Variants in RNF180 observed in about 807,000 individuals in gnomAD.
RNF180 encodes ring finger protein 180, also known as E3 ubiquitin-protein ligase RNF180.
RNF180 carries 38 observed loss-of-function variants against 59.2 expected under a neutral mutation model. The ratio of observed to expected loss-of-function variants is 0.64; its 90% CI spans 0.50 to 0.84. The LOEUF is 0.84. RNF180 is among the 40% of genes least tolerant of loss of function. The probability of loss-of-function intolerance (pLI) is 0.00; values close to 1 mark genes in which losing one functional copy is unlikely to be tolerated. For missense variants in RNF180, 705 were observed against 700.9 expected (o/e 1.01, Z -0.07); for synonymous variants, 262 against 240.3 (o/e 1.09, Z -0.84).
In RNF180 at chr5:64,180,143, G is replaced by T. The variant is rs149120913; in HGVS notation, c.-1+14190G>T. On this transcript the variant is annotated intron_variant, in intron 1 of 7. Coordinates refer to ENST00000389100, the MANE Select transcript of RNF180 (RefSeq NM_001113561.2). The stretch of plus-strand genomic sequence containing the variant: ...AGCTATTAACCATTTGCTTATATTT[G>T]CAGATTTCTTCTTCCAGTCTGTGGG... Among the ~76,000 whole-genome samples the T allele has an allele frequency of 2.3e-3, 356 of 152,128 alleles. 1 individual carries two copies. The highest frequency in any genetic ancestry group is 8.4e-3 in the African/African-American group (349 of 41,524).
At chr5:64,303,964 G>T (rs1743300639) in intron 5 of RNF180, among the ~76,000 whole-genome samples, 1 of 151,656 alleles carries the variant, frequency 6.6e-6, no homozygotes, top group African/African-American at 2.4e-5. Context: ...TGACTAAGCA[G>T]AAGCCAGTGT....
chr5:64,295,312 C>T (rs1425311392), intron 5 of RNF180, among the ~76,000 whole-genome samples: 2 of 152,138 alleles, frequency 1.3e-5, no homozygotes, highest in Admixed American at 6.5e-5. Flanking sequence ...CCACCTGGGG[C>T]ATCTCTGTTG....
chr5:64,321,339 A>G lies in RNF180; in HGVS notation c.1228-3847A>G, dbSNP rs184261520. ...CTTCAGCAGACTCTCAGTATACAAA[A>G]TCAATGTGCAAAAATCACAAGCATT... is the stretch of plus-strand genomic sequence containing the variant. On this transcript the variant is annotated intron_variant, in intron 5 of 7. Transcript: ENST00000389100. 1.5e-3 allele frequency among the ~76,000 whole-genome samples: 226 copies of G among 152,296 alleles called. 1 individual carries two copies. The highest frequency in any genetic ancestry group is 5.2e-3 in the African/African-American group (217 of 41,566).
intron 7 of RNF180, among the ~76,000 whole-genome samples, chr5:64,358,713 C>A (rs1218979012): frequency 6.6e-6 from 1 of 151,562 alleles, no homozygotes; most frequent in African/African-American, 2.4e-5. Context: ...CATATGTATA[C>A]ATGTGCCATG....
chr5:64,343,704 T>G (rs1309329569), intron 7 of RNF180, among the ~76,000 whole-genome samples: 1 of 151,828 alleles, frequency 6.6e-6, no homozygotes, highest in Non-Finnish European at 1.5e-5. Context: ...ACATCTTTAA[T>G]GTGCTCATGG....
At chr5:64,242,855 G>A (rs746523686) in intron 5 of RNF180, among the ~76,000 whole-genome samples, 16 of 152,204 alleles carry the variant, frequency 1.1e-4, no homozygotes, top group Non-Finnish European at 1.8e-4. Context: ...GAACACAGAA[G>A]GTGGGTGATT....
In RNF180 at chr5:64,372,376, T is replaced by A. The variant is rs1746685781; in HGVS notation, c.*2562T>A. The A allele has an allele frequency of 6.6e-6, 1 of 151,878 alleles. No homozygotes were observed. Among genetic ancestry groups the A allele is most frequent in the South Asian group, 2.1e-4 (1 of 4,824 alleles). 9.4% of individuals were successfully genotyped at this position (151,878 alleles called of 1,614,324 possible). On this transcript the variant is annotated 3_prime_UTR_variant, in exon 8 of 8. Coordinates refer to ENST00000389100, the MANE Select transcript of RNF180 (RefSeq NM_001113561.2). Reference sequence around the variant, plus strand: ...TTTACAAAGCTTCTACCACTCTGAATCAACAAAATCAGGAATGGAAAAAAA... The same window carrying A: ...TTTACAAAGCTTCTACCACTCTGAAACAACAAAATCAGGAATGGAAAAAAA...
intron 7 of RNF180, among the ~76,000 whole-genome samples, chr5:64,357,956 G>A (rs1052627206): frequency 1.3e-5 from 2 of 151,718 alleles, no homozygotes; most frequent in Non-Finnish European, 2.9e-5. Flanking sequence ...TTTTCTTCAC[G>A]GGTCCTTCTT....
intron 5 of RNF180, among the ~76,000 whole-genome samples, chr5:64,318,720 A>G (rs1339788552): frequency 2.0e-5 from 3 of 152,232 alleles, no homozygotes; most frequent in African/African-American, 7.2e-5. Flanking sequence ...TAATAAATGT[A>G]TCATACTGCT....
chr5:64,229,031 C>T (rs1309953169), intron 5 of RNF180, among the ~76,000 whole-genome samples: 1 of 149,780 alleles, frequency 6.7e-6, no homozygotes, highest in Non-Finnish European at 1.5e-5. Flanking sequence ...AAGTGATCCT[C>T]TCACCTCAGC....
Position 64,236,639 on chromosome 5 carries a change from G to A in RNF180, c.1227+19243G>A, listed in dbSNP as rs989079677. On this transcript the variant is annotated intron_variant, in intron 5 of 7. Coordinates refer to ENST00000389100, the MANE Select transcript of RNF180 (RefSeq NM_001113561.2). ...AATGAGGAAAATATCTCCACGGCAC[G>A]TCAGAGATCTTTGTGGCAGCCCCTC... 3.3e-5 allele frequency among the ~76,000 whole-genome samples: 5 copies of A among 152,168 alleles called. No homozygotes were observed. In the South Asian group the frequency reaches 6.2e-4, roughly 19 times the overall value.
At chr5:64,344,091 A>G (rs1293039060) in intron 7 of RNF180, among the ~76,000 whole-genome samples, 1 of 151,978 alleles carries the variant, frequency 6.6e-6, no homozygotes, top group East Asian at 1.9e-4. Context: ...ATATAAAGAA[A>G]AAAATCTTAA....
intron 5 of RNF180, among the ~76,000 whole-genome samples, chr5:64,324,490 G>GT (rs1232294404): frequency 6.6e-6 from 1 of 151,974 alleles, no homozygotes; most frequent in Admixed American, 6.6e-5. Flanking sequence ...CTGGAAATCG[G>GT]TTTTTTTTCT....
chr5:64,214,487 A>G lies in RNF180; in HGVS notation c.1161A>G (p.Gln387=). ...RSKLKNLRRK[Q]RRRERWLQKQ... ...AGTTGAAGAATCTAAGAAGGAAACA[A>G]CGAAGGCGTGAAAGATGGCTACAGA... The change falls in exon 4 of 8, where the codon CAA becomes CAG. Residue 387 remains glutamine, a synonymous_variant. Coordinates refer to ENST00000389100, the MANE Select transcript of RNF180 (RefSeq NM_001113561.2). The G allele has an allele frequency of 1.2e-6, 2 of 1,613,672 alleles. No homozygotes were observed. The highest frequency in any genetic ancestry group is 2.2e-5 in the East Asian group (1 of 44,884).
chr5:64,199,872 A>T (rs1337434043), intron 1 of RNF180, among the ~76,000 whole-genome samples: 1 of 152,226 alleles, frequency 6.6e-6, no homozygotes, highest in African/African-American at 2.4e-5. Flanking sequence ...AGGTGCAAAA[A>T]TAGATTACAA....
At chr5:64,176,127 T>C (rs2111906805) in intron 1 of RNF180, among the ~76,000 whole-genome samples, 1 of 152,298 alleles carries the variant, frequency 6.6e-6, no homozygotes, top group South Asian at 2.1e-4. Flanking sequence ...TGTGAGACTT[T>C]TTATTACTGA....
Position 64,353,742 on chromosome 5 carries a change from C to T in RNF180, c.1580-15873C>T, listed in dbSNP as rs188961206. On this transcript the variant is annotated intron_variant, in intron 7 of 7. Coordinates refer to ENST00000389100, the MANE Select transcript of RNF180 (RefSeq NM_001113561.2). ...TAGTACCACAAAGTAAGTCTTGATA[C>T]ATTTTAAAAGATTGAAGCAATACAA... Among the ~76,000 whole-genome samples, 9 of 151,782 alleles carry T rather than the reference C, an allele frequency of 5.9e-5. No individual in the cohort carries two copies. The East Asian group carries it at 1.7e-3, about 29-fold the overall frequency.
At chr5:64,310,175 A>G (rs933684789) in intron 5 of RNF180, among the ~76,000 whole-genome samples, 1 of 151,886 alleles carries the variant, frequency 6.6e-6, no homozygotes, top group African/African-American at 2.4e-5. Flanking sequence ...ACCAAATTCA[A>G]CAAGTATAAA....
At chr5:64,239,536 T>C (rs542792836) in intron 5 of RNF180, among the ~76,000 whole-genome samples, 2 of 152,124 alleles carry the variant, frequency 1.3e-5, no homozygotes, top group Non-Finnish European at 2.9e-5. Flanking sequence ...AAGACAATTG[T>C]CTTTTGAAAT....
Sources: gnomAD v4.1 joint callset for allele counts (sites outside exome capture counted in the v4.1 genomes callset) on GRCh38, gnomAD v4.1.1 for gene constraint, MANE v1.5 for transcripts, NCBI Gene and HGNC (gene_info 2026-07-23, HGNC 2026-07-21) for gene names.